The following GARRE1 variants were observed in gnomAD, a reference collection of about 807,000 sequenced individuals.
GARRE1 encodes granule associated Rac and RHOG effector 1, also known as granule associated Rac and RHOG effector protein 1.
A neutral mutation model predicts 103.2 loss-of-function variants in GARRE1; 49 were observed. That is an observed-to-expected ratio of 0.47 (90% CI 0.38 to 0.60). The LOEUF (loss-of-function observed/expected upper bound fraction) is 0.60, where lower values mean the gene tolerates loss of function less well. GARRE1 is among the 20% of genes least tolerant of loss of function. The pLI, the probability that GARRE1 is intolerant of heterozygous loss-of-function variation, is 0.00. For missense variants in GARRE1, 1,199 were observed against 1,370.5 expected, an observed-to-expected ratio of 0.87 and a Z score of 1.98; for synonymous variants, 505 against 532.8, an observed-to-expected ratio of 0.95 and a Z score of 0.72.
chr19:34,336,756 C>G (rs2074162918), intron 8 of GARRE1, among the ~76,000 whole-genome samples: 1 of 152,196 alleles, frequency 6.6e-6, no homozygotes, highest in South Asian at 2.1e-4. Context: ...AGGCGTGAGC[C>G]ACTGCACCCA....
rs2074258107 is a variant in GARRE1 at position 34,354,303 on chromosome 19, C to A, written c.*1348C>A. ...TTTATTCTTTCTAACTCCATATAAG[C>A]TTTTCCAGCAAAGATTGTAATAACA... On this transcript the variant is annotated 3_prime_UTR_variant, in exon 14 of 14. Transcript: ENST00000299505. 6.6e-6 allele frequency: 1 copy of A among 152,098 alleles called. No individual in the cohort carries two copies. The highest frequency in any genetic ancestry group is 1.5e-5 in the Non-Finnish European group (1 of 68,024). 9.4% of individuals were successfully genotyped at this position (152,098 alleles called of 1,614,324 possible).
intron 2 of GARRE1, among the ~76,000 whole-genome samples, chr19:34,304,374 A>ATT (rs1227745814): frequency 2.7e-4 from 31 of 113,662 alleles, no homozygotes; most frequent in African/African-American, 6.0e-4. Flanking sequence ...CATCTTTGTA[A>ATT]TTTTTTTTTT....
At chr19:34,263,371 T>G (rs1443972085) in intron 1 of GARRE1, among the ~76,000 whole-genome samples, 1 of 152,150 alleles carries the variant, frequency 6.6e-6, no homozygotes, top group Non-Finnish European at 1.5e-5. Flanking sequence ...TGGTTGTTTT[T>G]GGGATGAGAC....
chr19:34,269,353 C>T (rs2073772514), intron 1 of GARRE1, among the ~76,000 whole-genome samples: 2 of 152,070 alleles, frequency 1.3e-5, no homozygotes, highest in South Asian at 2.1e-4. Flanking sequence ...AGGGTTGACC[C>T]GTGTTGGGGG....
Position 34,354,255 on chromosome 19 carries a change from A to G in GARRE1, c.*1300A>G, listed in dbSNP as rs933715739. 2 of 152,240 alleles carry G rather than the reference A, an allele frequency of 1.3e-5. No individual in the cohort carries two copies. Among genetic ancestry groups the G allele is most frequent in the Non-Finnish European group, 2.9e-5 (2 of 68,028 alleles). 9.4% of individuals were successfully genotyped at this position (152,240 alleles called of 1,614,324 possible). ...TCTTAAATCATTAAACCATTTTAATATATGTTAACTACTAATAAATGGTTT... is the reference window on the plus strand; with the variant it reads ...TCTTAAATCATTAAACCATTTTAATGTATGTTAACTACTAATAAATGGTTT... On this transcript the variant is annotated 3_prime_UTR_variant, in exon 14 of 14. Coordinates refer to ENST00000299505, the MANE Select transcript of GARRE1 (RefSeq NM_014686.5).
intron 2 of GARRE1, among the ~76,000 whole-genome samples, chr19:34,317,368 G>A (rs1174845520): frequency 6.6e-6 from 1 of 152,206 alleles, no homozygotes. Context: ...ACTAAGTTGT[G>A]TCCATCAGAG....
chr19:34,325,836 C>T (rs927223756), intron 3 of GARRE1, among the ~76,000 whole-genome samples: 4 of 152,102 alleles, frequency 2.6e-5, no homozygotes, highest in Non-Finnish European at 5.9e-5. Context: ...CTTGGATCCT[C>T]GGCCTGTTTC....
intron 1 of GARRE1, chr19:34,296,353 C>T (rs769652023): frequency 1.0e-4 from 117 of 1,165,142 alleles, no homozygotes; most frequent in Middle Eastern, 8.5e-4. Flanking sequence ...GCAGTCTGGG[C>T]GCTGATTTGA....
intron 8 of GARRE1, among the ~76,000 whole-genome samples, chr19:34,339,340 A>G (rs1207880304): frequency 6.6e-6 from 1 of 152,196 alleles, no homozygotes; most frequent in Non-Finnish European, 1.5e-5. Context: ...ATTTAATTAT[A>G]TTTAAGGTTT....
chr19:34,284,702 C>A (rs1413308685), intron 1 of GARRE1, among the ~76,000 whole-genome samples: 1 of 152,092 alleles, frequency 6.6e-6, no homozygotes, highest in Non-Finnish European at 1.5e-5. Context: ...GTATTTATTT[C>A]CATGCAGCAT....
chr19:34,272,542 G>C (rs887774016), intron 1 of GARRE1, among the ~76,000 whole-genome samples: 1 of 152,166 alleles, frequency 6.6e-6, no homozygotes, highest in Non-Finnish European at 1.5e-5. Flanking sequence ...ATGTCTCCTG[G>C]GTCTGGTCCT....
chr19:34,351,128 T>G (rs951399060), intron 12 of GARRE1, among the ~76,000 whole-genome samples: 57 of 149,700 alleles, frequency 3.8e-4, no homozygotes, highest in Non-Finnish European at 6.7e-4. Flanking sequence ...GAACCTGGGA[T>G]GCAGAGTTTG....
At position 34,348,711 on chromosome 19, in the gene GARRE1, G is replaced by A. The variant is rs546768877; in HGVS notation, c.2688-305G>A. On this transcript the variant is annotated intron_variant, in intron 11 of 13. Transcript: ENST00000299505. The stretch of plus-strand genomic sequence containing the variant: ...GGTGGTTTGCTGCACAGATCATCCC[G>A]TCACCTAGGTATTAAGCCCAGCATC... 6.2e-4 allele frequency: 195 copies of A among 314,106 alleles called. 1 individual carries two copies. Among genetic ancestry groups the A allele is most frequent in the Admixed American group, 2.0e-3 (46 of 22,452 alleles). The allele number at this position is 314,106 out of a possible 1,614,324, so 19.5% of individuals were successfully genotyped here.
chr19:34,273,676 G>A (rs1276538424), intron 1 of GARRE1, among the ~76,000 whole-genome samples: 2 of 152,150 alleles, frequency 1.3e-5, no homozygotes, highest in African/African-American at 4.8e-5. Context: ...TAGAGTTAAT[G>A]TTAAGGTGGG....
chr19:34,257,658 G>A (rs1235152329), intron 1 of GARRE1, among the ~76,000 whole-genome samples: 1 of 152,184 alleles, frequency 6.6e-6, no homozygotes, highest in Non-Finnish European at 1.5e-5. Flanking sequence ...TTCACAGAGA[G>A]CCTGAATGTT....
At chr19:34,323,023 CTTTTTTTTTTTT>C (rs71165649) in intron 3 of GARRE1, among the ~76,000 whole-genome samples, 18 of 66,688 alleles carry the variant, frequency 2.7e-4, no homozygotes, top group Middle Eastern at 0.019. Flanking sequence ...TATTTCTTTT[CTTTTTTTTTTTT>C]TTTTTTTTTT....
intron 1 of GARRE1, among the ~76,000 whole-genome samples, chr19:34,282,500 C>T (rs2073861738): frequency 6.6e-6 from 1 of 152,194 alleles, no homozygotes; most frequent in African/African-American, 2.4e-5. Context: ...GAATACCAGT[C>T]AGAATTTCTT....
chr19:34,352,941 C>T lies in GARRE1; in HGVS notation c.3199C>T (p.Leu1067=). The change falls in exon 14 of 14, where the codon CTG becomes TTG. Residue 1067 remains leucine (L), a synonymous_variant. Coordinates refer to ENST00000299505, the MANE Select transcript of GARRE1 (RefSeq NM_014686.5). ...PGKGERRPAY[L]PQY is the part of the protein sequence containing the mutation. ...GAAGGGTGAGCGCAGGCCAGCCTAT[C>T]TGCCCCAGTACTGACCCCAGGCCAG... 1 of 1,539,392 alleles carries T rather than the reference C, an allele frequency of 6.5e-7. No individual in the cohort carries two copies. Among genetic ancestry groups the T allele is most frequent in the South Asian group, 1.2e-5 (1 of 83,482 alleles).
intron 8 of GARRE1, among the ~76,000 whole-genome samples, chr19:34,337,722 C>T (rs2074167662): frequency 6.6e-6 from 1 of 152,194 alleles, no homozygotes; most frequent in African/African-American, 2.4e-5. Flanking sequence ...TATTGATCAG[C>T]TCAAGGCTGA....
Sources: allele counts gnomAD v4.1 joint callset (sites outside exome capture counted in the v4.1 genomes callset), GRCh38; gene constraint gnomAD v4.1.1; transcripts MANE v1.5; gene names NCBI Gene and HGNC (gene_info 2026-07-23, HGNC 2026-07-21).